The following ANGEL2 variants were observed in gnomAD, a reference collection of about 807,000 sequenced individuals.
ANGEL2 encodes the protein RNA 2',3'-cyclic phosphatase ANGEL2.
In ANGEL2, 41 loss-of-function variants were observed where a neutral mutation model predicts 66.0. That is an observed-to-expected ratio of 0.62 (90% CI 0.48 to 0.81). ANGEL2 has a LOEUF of 0.81. Ranked by LOEUF, ANGEL2 falls within the 30% of genes least tolerant of loss-of-function variation. ANGEL2 has a pLI of 0.00. For missense variants in ANGEL2, 561 were observed against 641.6 expected (o/e 0.87, Z 1.36); for synonymous variants, 208 against 226.5 (o/e 0.92, Z 0.73).
At chr1:213,001,355 T>C (rs2076173301) in intron 5 of ANGEL2, 1 of 164,302 alleles carries the variant, frequency 6.1e-6, no homozygotes, top group Non-Finnish European at 1.3e-5. Context: ...GTTTATACTA[T>C]ACTGTAGTTT....
At chr1:213,009,608 A>G (rs1187776715) in intron 2 of ANGEL2, among the ~76,000 whole-genome samples, 1 of 152,262 alleles carries the variant, frequency 6.6e-6, no homozygotes, top group African/African-American at 2.4e-5. Flanking sequence ...AGGGTGAAAT[A>G]AAGACTAAAA....
At position 213,005,311 on chromosome 1, in the gene ANGEL2, C is replaced by T. The variant is rs1373995937; in HGVS notation, c.856G>A (p.Val286Ile). 2 of 1,614,142 alleles carry T rather than the reference C, an allele frequency of 1.2e-6. No homozygotes were observed. The highest frequency in any genetic ancestry group is 2.7e-5 in the African/African-American group (2 of 74,950). Residue 286 changes from valine (V) to isoleucine (I), a missense_variant, in exon 5 of 9, where the codon GTT becomes ATT. Val to Ile is a conservative substitution (Grantham distance 29). Coordinates refer to ENST00000366962, the MANE Select transcript of ANGEL2 (RefSeq NM_144567.5). ...PDISLLDRDNVGLVLLLQPKI... is the reference protein window; with the variant it reads ...PDISLLDRDNIGLVLLLQPKI... ...GGCTGTAAGAGTAAAACTAATCCAACATTGTCTCTGTCCAACAGAGAAATA... is the reference window on the plus strand; with the variant it reads ...GGCTGTAAGAGTAAAACTAATCCAATATTGTCTCTGTCCAACAGAGAAATA...
At position 213,007,169 on chromosome 1, in the gene ANGEL2, ATCT is replaced by A; in HGVS notation, c.669_671del (p.Glu223del). On this transcript the variant is annotated inframe_deletion, in exon 4 of 9. Coordinates refer to ENST00000366962, the MANE Select transcript of ANGEL2 (RefSeq NM_144567.5). ...TTGGCCTGATCTCTGCTCCATAATG[ATCT>A]TCTTGAACTTCTTGCAAACAAAGTA... 1.3e-6 allele frequency: 2 copies of A among 1,597,092 alleles called. No individual in the cohort carries two copies. The highest frequency in any genetic ancestry group is 2.7e-5 in the African/African-American group (2 of 73,552).
intron 2 of ANGEL2, among the ~76,000 whole-genome samples, chr1:213,012,368 C>A (rs2076530742): frequency 6.6e-6 from 1 of 152,184 alleles, no homozygotes. Context: ...TACCTAGACA[C>A]CTCACTTATA....
At chr1:213,009,595 T>G (rs935525368) in intron 2 of ANGEL2, among the ~76,000 whole-genome samples, 3 of 152,210 alleles carry the variant, frequency 2.0e-5, no homozygotes, top group Admixed American at 6.5e-5. Context: ...TACACTTATA[T>G]AGAGGGTGAA....
In ANGEL2 at chr1:212,995,144, G is replaced by A. The variant is rs2075960779; in HGVS notation, c.1532C>T (p.Ser511Leu). 4.3e-6 allele frequency: 7 copies of A among 1,610,884 alleles called. No homozygotes were observed. Among genetic ancestry groups the A allele is most frequent in the Non-Finnish European group, 5.1e-6 (6 of 1,178,186 alleles). The change falls in exon 9 of 9, where the codon TCA becomes TTA. Residue 511 changes from serine to leucine, a missense_variant. Ser to Leu is a moderately radical substitution (Grantham distance 145). Coordinates refer to ENST00000366962, the MANE Select transcript of ANGEL2 (RefSeq NM_144567.5). ...CCATAAGTCTTGTTCTGTAAGAAGT[G>A]ACAGTCTAGCTAGAAGTTTCAAGCC... is the stretch of plus-strand genomic sequence containing the variant. ...VGGLKLLARL[S>L]LLTEQDLWTV... is the part of the protein sequence containing the mutation.
intron 5 of ANGEL2, among the ~76,000 whole-genome samples, chr1:213,004,634 C>A (rs975013798): frequency 1.3e-5 from 2 of 151,922 alleles, no homozygotes; most frequent in Non-Finnish European, 2.9e-5. Flanking sequence ...CTTTGGGAGG[C>A]CGAAGCAGGT....
chr1:213,015,368 G>T (rs1572166400), intron 1 of ANGEL2: 1 of 1,408,920 alleles, frequency 7.1e-7, no homozygotes, highest in East Asian at 2.6e-5. Context: ...CTGGCCGGCG[G>T]CCCATGAACT....
intron 5 of ANGEL2, chr1:213,001,665 C>G (rs1249077982): frequency 1.3e-5 from 2 of 152,152 alleles, no homozygotes; most frequent in African/African-American, 4.8e-5. Context: ...GCACTTTATC[C>G]ACGGAACTTT....
chr1:212,996,269 T>A (rs879409859), intron 8 of ANGEL2, among the ~76,000 whole-genome samples: 1 of 152,098 alleles, frequency 6.6e-6, no homozygotes, highest in Non-Finnish European at 1.5e-5. Flanking sequence ...ATAGCGCCAC[T>A]GCACTCCAGC....
intron 8 of ANGEL2, among the ~76,000 whole-genome samples, chr1:212,996,640 A>AAATATAT (rs56102625): frequency 1.5e-5 from 1 of 66,472 alleles, no homozygotes; most frequent in African/African-American, 6.9e-5. Context: ...AAAAAAAAAA[A>AAATATAT]ATATATATAT....
At position 213,008,292 on chromosome 1, in the gene ANGEL2, T is replaced by C. The variant is rs751644663; in HGVS notation, c.560A>G (p.Tyr187Cys). ...QDLLEDNSHL[Y>C]RHCRRPVLHW... ...TAATACTGGCCGCCGGCAATGTCTA[T>C]AAAGGTGAGAGTTATCTTCCAGTAA... The change falls in exon 3 of 9, where the codon TAT (tyrosine) becomes TGT (cysteine). Residue 187 changes from tyrosine (Y) to cysteine (C), a missense_variant. Coordinates refer to ENST00000366962, the MANE Select transcript of ANGEL2 (RefSeq NM_144567.5). The C allele has an allele frequency of 6.2e-7, 1 of 1,614,160 alleles. No individual in the cohort carries two copies. The highest frequency in any genetic ancestry group is 1.1e-5 in the South Asian group (1 of 91,088).
At chr1:213,005,918 A>C (rs1422869898) in intron 4 of ANGEL2, among the ~76,000 whole-genome samples, 1 of 152,070 alleles carries the variant, frequency 6.6e-6, no homozygotes, top group African/African-American at 2.4e-5. Context: ...CACCTCCTTC[A>C]AATATTTGTT....
rs952352215 is a variant in ANGEL2 at position 212,992,691 on chromosome 1, G to A, written c.*2350C>T. On this transcript the variant is annotated 3_prime_UTR_variant, in exon 9 of 9. Transcript: ENST00000366962. ...TTTTATGGATTAACTCTATCAAAGT[G>A]AAGCACATGAAAAATGGGCCTAAAG... 1.3e-5 allele frequency: 2 copies of A among 152,196 alleles called. No individual in the cohort carries two copies. Among genetic ancestry groups the A allele is most frequent in the African/African-American group, 2.4e-5 (1 of 41,446 alleles). The allele number at this position is 152,196 out of a possible 1,614,324, so 9.4% of individuals were successfully genotyped here.
At chr1:213,014,612 A>G (rs2076590680) in intron 1 of ANGEL2, among the ~76,000 whole-genome samples, 2 of 152,232 alleles carry the variant, frequency 1.3e-5, no homozygotes, top group Admixed American at 1.3e-4. Flanking sequence ...GCTATTATCT[A>G]TATTTGCAGT....
intron 8 of ANGEL2, among the ~76,000 whole-genome samples, chr1:212,996,641 ATATATATATATATATATAT>A (rs2076027230): frequency 1.6e-5 from 1 of 63,242 alleles, no homozygotes; most frequent in South Asian, 8.1e-4. Context: ...AAAAAAAAAA[ATATATATATATATATATAT>A]ATATATATAT....
chr1:212,996,223 T>C (rs531080050), intron 8 of ANGEL2, among the ~76,000 whole-genome samples: 63 of 152,030 alleles, frequency 4.1e-4, no homozygotes, highest in African/African-American at 5.3e-4. Flanking sequence ...AGGAGAATGG[T>C]GTGAACCTGG....
At chr1:212,999,016 G>A (rs919943349) in intron 7 of ANGEL2, among the ~76,000 whole-genome samples, 59 of 151,994 alleles carry the variant, frequency 3.9e-4, no homozygotes, top group African/African-American at 1.4e-3. Context: ...GGGATTACAC[G>A]TGCATGCCAC....
Position 213,008,331 on chromosome 1 carries a change from A to AT in ANGEL2, c.520dup (p.Ile174AsnfsTer10), listed in dbSNP as rs1347850539. On this transcript the variant is annotated frameshift_variant, in exon 3 of 9. Coordinates refer to ENST00000366962, the MANE Select transcript of ANGEL2 (RefSeq NM_144567.5). LOFTEE classifies it high-confidence loss of function. ...ATCTTCCAGTAAATCTTGTGAAAGT[A>AT]TATTATAGGACATCACTGAAAAGTC... is the stretch of plus-strand genomic sequence containing the variant. 6.2e-7 allele frequency: 1 copy of AT among 1,614,230 alleles called. No individual in the cohort carries two copies. Among genetic ancestry groups the AT allele is most frequent in the Admixed American group, 1.7e-5 (1 of 60,028 alleles).
Sources: allele counts gnomAD v4.1 joint callset (sites outside exome capture counted in the v4.1 genomes callset), GRCh38; gene constraint gnomAD v4.1.1; transcripts MANE v1.5; gene names NCBI Gene and HGNC (gene_info 2026-07-23, HGNC 2026-07-21).